The following PTN variants were observed in gnomAD, a reference collection of about 807,000 sequenced individuals.
PTN encodes pleiotrophin.
PTN carries 18 observed loss-of-function variants against 24.1 expected under a neutral mutation model. That is an observed-to-expected ratio of 0.75 (90% CI 0.52 to 1.11). The LOEUF is 1.11. PTN is among the 50% of genes least tolerant of loss of function. The pLI is 0.00. For synonymous variants in PTN, 78 were observed against 68.6 expected (o/e 1.14, Z -0.67); for missense variants, 163 against 198.8 (o/e 0.82, Z 1.08).
intron 2 of PTN, 28 bp downstream of exon 2, chr7:137,254,831 A>G (rs755670057): frequency 7.6e-6 from 11 of 1,452,160 alleles, no homozygotes; most frequent in African/African-American, 1.4e-5. Context: ...TCAATGAAGC[A>G]TCTTGCCTTC....
intron 4 of PTN, among the ~76,000 whole-genome samples, chr7:137,248,916 T>G (rs1054787277): frequency 1.3e-5 from 2 of 152,170 alleles, no homozygotes; most frequent in African/African-American, 4.8e-5. Context: ...ATACCATAAT[T>G]TATTTACGTA....
At chr7:137,289,263 A>G (rs1419871863) in intron 1 of PTN, among the ~76,000 whole-genome samples, 1 of 152,166 alleles carries the variant, frequency 6.6e-6, no homozygotes, top group East Asian at 1.9e-4. Context: ...ATCTCTCAGC[A>G]CCCTAGCACT....
intron 1 of PTN, chr7:137,326,353 A>T (rs1347813705): frequency 6.6e-6 from 1 of 152,096 alleles, no homozygotes. Flanking sequence ...AATTCTCCCA[A>T]ATTGATCAAT....
chr7:137,315,899 T>C (rs1423002401), intron 1 of PTN, among the ~76,000 whole-genome samples: 1 of 152,114 alleles, frequency 6.6e-6, no homozygotes, highest in Non-Finnish European at 1.5e-5. Flanking sequence ...TGGGTTTGCA[T>C]ATTGAAAAAA....
At chr7:137,239,374 T>TTTTTTTTA (rs968596375) in intron 4 of PTN, among the ~76,000 whole-genome samples, 1 of 147,760 alleles carries the variant, frequency 6.8e-6, no homozygotes, top group African/African-American at 2.5e-5. Context: ...TAATTTTCTT[T>TTTTTTTTA]TTTATTTATT....
In PTN at chr7:137,342,563, T is replaced by A. The variant is rs142591214; in HGVS notation, c.-2+876A>T. Among the ~76,000 whole-genome samples the A allele has an allele frequency of 3.4e-3, 516 of 152,060 alleles. 3 individuals carry two copies. The highest frequency in any genetic ancestry group is 0.012 in the African/African-American group (493 of 41,498). ...TGTGTGTGTGTTGTGTCACATTATG[T>A]CATGGAGAAAGGGGTGTGTGTGTAT... On this transcript the variant is annotated intron_variant, in intron 1 of 4. Transcript: ENST00000348225.
At chr7:137,297,148 C>G (rs943018847) in intron 1 of PTN, among the ~76,000 whole-genome samples, 7 of 152,026 alleles carry the variant, frequency 4.6e-5, no homozygotes, top group African/African-American at 1.7e-4. Flanking sequence ...GACTAAAATA[C>G]TTTTAAAAAT....
chr7:137,301,033 T>C (rs1274613375), intron 1 of PTN, among the ~76,000 whole-genome samples: 1 of 150,620 alleles, frequency 6.6e-6, no homozygotes, highest in Non-Finnish European at 1.5e-5. Context: ...GTTTGGGTAA[T>C]TACAAAGAAG....
intron 1 of PTN, among the ~76,000 whole-genome samples, chr7:137,264,939 G>A (rs558857002): frequency 1.3e-5 from 2 of 151,766 alleles, no homozygotes; most frequent in East Asian, 3.9e-4. Flanking sequence ...CCTTGGCCAG[G>A]ACCTTACAGT....
chr7:137,324,070 G>T (rs953434845), intron 1 of PTN, among the ~76,000 whole-genome samples: 2 of 152,098 alleles, frequency 1.3e-5, no homozygotes, highest in African/African-American at 4.8e-5. Context: ...AGTTGTAGAG[G>T]CTGGTCTAGA....
rs756309570 is a variant in PTN at position 137,343,583 on chromosome 7, C to T, written c.-146G>A. ...CCCCGCCTTCTGGACGGATGACTCA[C>T]TGGTCTCTTTCTTCCCCTCTCTCCA... is the stretch of plus-strand genomic sequence containing the variant. On this transcript the variant is annotated 5_prime_UTR_variant, in exon 1 of 5. In the 5' UTR this introduces an upstream ATG that the reference lacks. Coordinates refer to ENST00000348225, the MANE Select transcript of PTN (RefSeq NM_002825.7). 3.9e-6 allele frequency: 2 copies of T among 519,024 alleles called. No homozygotes were observed. Among genetic ancestry groups the T allele is most frequent in the Admixed American group, 3.9e-5 (2 of 51,608 alleles). The allele number at this position is 519,024 out of a possible 1,614,324, so 32.2% of individuals were successfully genotyped here. A position where few individuals can be genotyped will look rare whatever the true frequency, so the allele number is the denominator to read the frequency against.
chr7:137,312,693 A>T (rs1810003210), intron 1 of PTN, among the ~76,000 whole-genome samples: 1 of 152,226 alleles, frequency 6.6e-6, no homozygotes, highest in Non-Finnish European at 1.5e-5. Context: ...AAAAGTAAGA[A>T]AAAGGCTAGA....
chr7:137,342,623 T>G (rs934922017), intron 1 of PTN, among the ~76,000 whole-genome samples: 5 of 152,090 alleles, frequency 3.3e-5, no homozygotes, highest in African/African-American at 1.2e-4. Flanking sequence ...TTCCATCTAT[T>G]AAGAAAGGAG....
At chr7:137,283,942 T>C (rs1809512328) in intron 1 of PTN, among the ~76,000 whole-genome samples, 1 of 138,288 alleles carries the variant, frequency 7.2e-6, no homozygotes, top group Non-Finnish European at 1.5e-5. Context: ...AATGTGAAAA[T>C]GAGCATCAGA....
chr7:137,288,176 A>G (rs1350218387), intron 1 of PTN, among the ~76,000 whole-genome samples: 1 of 152,224 alleles, frequency 6.6e-6, no homozygotes, highest in Non-Finnish European at 1.5e-5. Flanking sequence ...TGAAGGTCTC[A>G]AAGTGAGTCT....
chr7:137,307,119 C>T (rs1235983252), intron 1 of PTN, among the ~76,000 whole-genome samples: 1 of 152,050 alleles, frequency 6.6e-6, no homozygotes. Flanking sequence ...CTTTGAATAA[C>T]GAATTTAAAG....
chr7:137,264,694 G>A (rs1809106624), intron 1 of PTN, among the ~76,000 whole-genome samples: 1 of 152,222 alleles, frequency 6.6e-6, no homozygotes, highest in Non-Finnish European at 1.5e-5. Flanking sequence ...AACTTCGACG[G>A]TTATGCAGGG....
chr7:137,336,238 A>T (rs1206003919), intron 1 of PTN, among the ~76,000 whole-genome samples: 1 of 152,100 alleles, frequency 6.6e-6, no homozygotes, highest in Non-Finnish European at 1.5e-5. Context: ...ATCATTTCCC[A>T]CTTAGAGCTA....
intron 1 of PTN, among the ~76,000 whole-genome samples, chr7:137,315,088 T>C (rs1047330227): frequency 2.6e-5 from 4 of 152,072 alleles, no homozygotes; most frequent in African/African-American, 9.7e-5. Flanking sequence ...ATAGATAGGA[T>C]AGAGGGATTG....
Sources: allele counts gnomAD v4.1 joint callset (sites outside exome capture counted in the v4.1 genomes callset), GRCh38; gene constraint gnomAD v4.1.1; transcripts MANE v1.5; gene names NCBI Gene and HGNC (gene_info 2026-07-23, HGNC 2026-07-21).